MYT1L: variants seen among roughly 807,000 people sequenced by gnomAD.
The protein encoded by MYT1L is myelin transcription factor 1-like protein.
MYT1L carries 12 observed loss-of-function variants against 126.7 expected under a neutral mutation model. That is an observed-to-expected ratio of 0.09 (90% CI 0.06 to 0.15). MYT1L has a LOEUF of 0.15. Among genes scored for constraint, MYT1L ranks in the 10% least tolerant of loss-of-function variants. MYT1L has a pLI of 1.00. For missense variants in MYT1L, 979 were observed against 1,585.2 expected (o/e 0.62, Z 6.49); for synonymous variants, 541 against 604.2 (o/e 0.90, Z 1.53).
At chr2:2,111,292 G>C (rs936649133) in intron 3 of MYT1L, among the ~76,000 whole-genome samples, 4 of 152,164 alleles carry the variant, frequency 2.6e-5, no homozygotes, top group African/African-American at 9.7e-5. Context: ...TCCCCGCCTG[G>C]TGTCTCACAG....
At chr2:2,257,441 G>A (rs1163399320) in intron 2 of MYT1L, among the ~76,000 whole-genome samples, 1 of 152,138 alleles carries the variant, frequency 6.6e-6, no homozygotes, top group Non-Finnish European at 1.5e-5. Flanking sequence ...ACTTTGGGAG[G>A]CTGAAGCGGT....
chr2:2,287,239 G>A (rs942424514), intron 1 of MYT1L, among the ~76,000 whole-genome samples: 6 of 151,892 alleles, frequency 4.0e-5, no homozygotes, highest in Non-Finnish European at 8.8e-5. Context: ...TGGGCAACAA[G>A]AGCGAAACTC....
chr2:2,221,375 A>C (rs192496578), intron 2 of MYT1L, among the ~76,000 whole-genome samples: 3 of 152,050 alleles, frequency 2.0e-5, no homozygotes, highest in Admixed American at 2.0e-4. Context: ...GTAAACAGAA[A>C]TCTGGTCCTG....
chr2:2,321,017 C>A (rs1355270776), intron 1 of MYT1L, among the ~76,000 whole-genome samples: 1 of 152,178 alleles, frequency 6.6e-6, no homozygotes, highest in East Asian at 1.9e-4. Context: ...TAAAAAATGC[C>A]ATGCTGGCAT....
chr2:2,186,026 TC>T (rs1389431194), intron 2 of MYT1L, among the ~76,000 whole-genome samples: 1 of 124,810 alleles, frequency 8.0e-6, no homozygotes, highest in Middle Eastern at 4.9e-3. Context: ...AGTCCCGCGT[TC>T]CTTCCGTGAG....
chr2:2,151,542 T>C (rs1478523208), intron 3 of MYT1L, among the ~76,000 whole-genome samples: 1 of 152,184 alleles, frequency 6.6e-6, no homozygotes, highest in Non-Finnish European at 1.5e-5. Flanking sequence ...GTGAAAATAC[T>C]ATAGGAAGTG....
intron 3 of MYT1L, among the ~76,000 whole-genome samples, chr2:2,160,029 T>C (rs560942085): frequency 6.6e-6 from 1 of 152,152 alleles, no homozygotes; most frequent in Non-Finnish European, 1.5e-5. Context: ...CATGTCTCTC[T>C]GTGTCTCAGT....
At chr2:2,095,545 C>T (rs1176731306) in intron 3 of MYT1L, among the ~76,000 whole-genome samples, 2 of 152,256 alleles carry the variant, frequency 1.3e-5, no homozygotes, top group Non-Finnish European at 1.5e-5. Context: ...ATCCTGCGAG[C>T]CCCCACCTGT....
At chr2:2,181,582 T>C (rs1409449038) in intron 2 of MYT1L, among the ~76,000 whole-genome samples, 1 of 152,120 alleles carries the variant, frequency 6.6e-6, no homozygotes, top group Non-Finnish European at 1.5e-5. Context: ...AACTAGAAAA[T>C]CCTAATGGTA....
At chr2:1,818,288 G>T (rs562364741) in intron 21 of MYT1L, among the ~76,000 whole-genome samples, 1 of 152,312 alleles carries the variant, frequency 6.6e-6, no homozygotes, top group African/African-American at 2.4e-5. Flanking sequence ...GAGAACTCAC[G>T]ACAAAGAGCT....
chr2:2,303,159 C>T (rs550513150), intron 1 of MYT1L, among the ~76,000 whole-genome samples: 24 of 152,246 alleles, frequency 1.6e-4, no homozygotes, highest in African/African-American at 5.3e-4. Context: ...TGTATCCTGG[C>T]GATCACCTTC....
At chr2:1,796,700 C>T (rs1020556367) in intron 23 of MYT1L, among the ~76,000 whole-genome samples, 23 of 152,144 alleles carry the variant, frequency 1.5e-4, no homozygotes, top group Non-Finnish European at 1.2e-4. Context: ...CAGCCGGCTC[C>T]GAGCCATCCT....
In MYT1L at chr2:1,979,143, GA is replaced by G. The variant is rs3214602; in HGVS notation, c.152+21del. ...AAGTCACTTTAGACAGCACATTGTG[GA>G]AAAAAAAATGCAGGCATTACCTTCT... On this transcript the variant is annotated intron_variant, in intron 8 of 24. Coordinates refer to ENST00000647738, the MANE Select transcript of MYT1L (RefSeq NM_001303052.2). The surrounding 1 kb of genome is among the most constrained non-coding windows in gnomAD (Gnocchi z 4.0). 0.12 allele frequency: 188,999 copies of G among 1,582,202 alleles called. 15,173 individuals carry two copies. Among genetic ancestry groups the G allele is most frequent in the African/African-American group, 0.41 (30,800 of 74,376 alleles).
rs2048349214 is a variant in MYT1L, at chr2:1,887,857, G to A, written c.2521-248C>T. On this transcript the variant is annotated intron_variant, in intron 16 of 24. Coordinates refer to ENST00000647738, the MANE Select transcript of MYT1L (RefSeq NM_001303052.2). The surrounding 1 kb of genome is among the most constrained non-coding windows in gnomAD (Gnocchi z 4.8). ...GCCCTTATTCAATATTCACCTGGCTGTGCTCATCACATGGACACACACACG... is the reference window on the plus strand; with the variant it reads ...GCCCTTATTCAATATTCACCTGGCTATGCTCATCACATGGACACACACACG... Among the ~76,000 whole-genome samples, 1 of 152,166 alleles carries A rather than the reference G, an allele frequency of 6.6e-6. No homozygotes were observed. The highest frequency in any genetic ancestry group is 6.5e-5 in the Admixed American group (1 of 15,278).
intron 2 of MYT1L, among the ~76,000 whole-genome samples, chr2:2,191,635 G>A (rs2092594039): frequency 6.6e-6 from 1 of 152,196 alleles, no homozygotes; most frequent in Non-Finnish European, 1.5e-5. Flanking sequence ...GACGTCTGCA[G>A]GTGGTAGGGC....
chr2:1,947,067 G>C (rs2057297755), intron 8 of MYT1L, among the ~76,000 whole-genome samples: 1 of 152,130 alleles, frequency 6.6e-6, no homozygotes, highest in Non-Finnish European at 1.5e-5. Context: ...GACACAGTCT[G>C]TTCTGCACTG....
intron 12 of MYT1L, 75 bp downstream of exon 12, chr2:1,911,945 A>G (rs1048444309): frequency 1.2e-5 from 14 of 1,181,886 alleles, no homozygotes; most frequent in Admixed American, 4.6e-5. Context: ...GGAGCGTGGT[A>G]GGCCCCCCAG....
chr2:2,104,163 A>G (rs2078457005), intron 3 of MYT1L, among the ~76,000 whole-genome samples: 1 of 152,268 alleles, frequency 6.6e-6, no homozygotes, highest in African/African-American at 2.4e-5. Context: ...TATGTCCTCG[A>G]AATAGGTACT....
intron 5 of MYT1L, among the ~76,000 whole-genome samples, chr2:1,984,320 C>T (rs532140144): frequency 3.3e-5 from 5 of 152,012 alleles, no homozygotes; most frequent in East Asian, 1.9e-4. Context: ...ACTCCACTTC[C>T]AGAGTGGCTG....
Sources: gnomAD v4.1 joint callset for allele counts (sites outside exome capture counted in the v4.1 genomes callset) on GRCh38, gnomAD v4.1.1 for gene constraint, Gnocchi (gnomAD v3.1) non-coding constraint, MANE v1.5 for transcripts, NCBI Gene and HGNC (gene_info 2026-07-23, HGNC 2026-07-21) for gene names.